Variants in SPATA6 observed in about 807,000 individuals in gnomAD.
SPATA6 encodes spermatogenesis associated 6, also known as spermatogenesis-associated protein 6.
SPATA6 carries 56 observed loss-of-function variants against 65.3 expected under a neutral mutation model. The observed-to-expected ratio is 0.86, with a 90% CI of 0.69 to 1.07. SPATA6 has a LOEUF of 1.07. Ranked by LOEUF, SPATA6 falls within the 50% of genes least tolerant of loss-of-function variation. The pLI is 0.00. For synonymous variants in SPATA6, 199 were observed against 213.2 expected, an observed-to-expected ratio of 0.93 and a Z score of 0.58; for missense variants, 590 against 594.8, an observed-to-expected ratio of 0.99 and a Z score of 0.08.
At chr1:48,453,986 A>C (rs911163487) in intron 1 of SPATA6, among the ~76,000 whole-genome samples, 10 of 151,972 alleles carry the variant, frequency 6.6e-5, no homozygotes, top group African/African-American at 2.4e-4. Context: ...AGAAACAGTC[A>C]TAAGTAAAAT....
rs1172634909 is a variant in SPATA6 at position 48,355,860 on chromosome 1, A to G, written c.1095-91T>C. The G allele has an allele frequency of 4.2e-6, 4 of 949,250 alleles. No individual in the cohort carries two copies. The South Asian group carries it at 4.7e-5, about 11-fold the overall frequency. The allele number at this position is 949,250 out of a possible 1,614,324, so 58.8% of individuals were successfully genotyped here. On this transcript the variant is annotated intron_variant, in intron 10 of 12. Coordinates refer to ENST00000371847, the MANE Select transcript of SPATA6 (RefSeq NM_019073.4). Reference sequence around the variant, plus strand: ...CAAGTTTTCACAGTATGTTCAACAAATAGTCTTAATAAAGGTTGGCATACA... The same window carrying G: ...CAAGTTTTCACAGTATGTTCAACAAGTAGTCTTAATAAAGGTTGGCATACA...
the SPATA6 span, among the ~76,000 whole-genome samples, chr1:48,267,093 T>G: frequency 6.6e-6 from 1 of 152,026 alleles, no homozygotes; most frequent in African/African-American, 2.4e-5. Flanking sequence ...TAAATATTAT[T>G]TATAGAGCCC....
chr1:48,432,638 T>C (rs899948601), intron 3 of SPATA6, among the ~76,000 whole-genome samples: 1 of 152,170 alleles, frequency 6.6e-6, no homozygotes, highest in African/African-American at 2.4e-5. Context: ...CAACAAGTGT[T>C]GGTGAGGATG....
intron 1 of SPATA6, among the ~76,000 whole-genome samples, chr1:48,464,044 TTAGAA>T (rs1324851989): frequency 6.6e-6 from 1 of 151,912 alleles, no homozygotes; most frequent in Non-Finnish European, 1.5e-5. Flanking sequence ...TTTTTTAAAA[TTAGAA>T]TAGAAGGGAA....
intron 11 of SPATA6, among the ~76,000 whole-genome samples, chr1:48,330,127 G>A (rs980603120): frequency 6.6e-6 from 1 of 151,846 alleles, no homozygotes; most frequent in Non-Finnish European, 1.5e-5. Flanking sequence ...CCCAGCAGCC[G>A]TACTTTGGTT....
intron 11 of SPATA6, among the ~76,000 whole-genome samples, chr1:48,321,236 A>AAACAAC (rs924607639): frequency 1.3e-5 from 2 of 152,082 alleles, no homozygotes; most frequent in Admixed American, 6.6e-5. Flanking sequence ...AATAAATTAA[A>AAACAAC]AACAACAACA....
chr1:48,302,323 T>C (rs1418616964), intron 12 of SPATA6, among the ~76,000 whole-genome samples: 1 of 152,194 alleles, frequency 6.6e-6, no homozygotes, highest in Non-Finnish European at 1.5e-5. Flanking sequence ...GGTTCAATAG[T>C]GAACACTAAC....
At chr1:48,393,948 T>C (rs1650317666) in intron 8 of SPATA6, among the ~76,000 whole-genome samples, 2 of 152,176 alleles carry the variant, frequency 1.3e-5, no homozygotes, top group East Asian at 1.9e-4. Flanking sequence ...CAAACCACCA[T>C]ATTAGGGGCT....
At chr1:48,434,382 T>C (rs548144667) in intron 3 of SPATA6, among the ~76,000 whole-genome samples, 10 of 152,232 alleles carry the variant, frequency 6.6e-5, no homozygotes, top group African/African-American at 2.4e-4. Context: ...GAACCATTCA[T>C]TCCATTTGCC....
At chr1:48,316,151 G>C (rs1423361186) in intron 11 of SPATA6, among the ~76,000 whole-genome samples, 1 of 152,022 alleles carries the variant, frequency 6.6e-6, no homozygotes, top group Non-Finnish European at 1.5e-5. Context: ...CAAGCTACCA[G>C]TGACTTTCTT....
At position 48,423,352 on chromosome 1, in the gene SPATA6, A is replaced by T. The variant is rs377119904; in HGVS notation, c.239-10201T>A. Among the ~76,000 whole-genome samples the T allele has an allele frequency of 1.2e-4, 18 of 151,778 alleles. No homozygotes were observed. The East Asian group carries it at 1.4e-3, about 12-fold the overall frequency. On this transcript the variant is annotated intron_variant, in intron 3 of 12. Coordinates refer to ENST00000371847, the MANE Select transcript of SPATA6 (RefSeq NM_019073.4). ...ATGCTGGTAATCCCAGCTACTCGGG[A>T]AGCTGAGGCAGGAGAACTGCTGGAA...
Position 48,398,769 on chromosome 1 carries a change from A to G in SPATA6, c.780+582T>C, listed in dbSNP as rs1272847568. Among the ~76,000 whole-genome samples the G allele has an allele frequency of 6.6e-5, 10 of 151,810 alleles. No individual in the cohort carries two copies. The East Asian group carries it at 1.9e-3, about 29-fold the overall frequency. On this transcript the variant is annotated intron_variant, in intron 7 of 12. Coordinates refer to ENST00000371847, the MANE Select transcript of SPATA6 (RefSeq NM_019073.4). The stretch of plus-strand genomic sequence containing the variant: ...TACTTGATAATCATATAAACACAAG[A>G]CTCTAAATTTCAACTATATCAAAAG...
chr1:48,381,692 T>TTC (rs1648631920), intron 9 of SPATA6, among the ~76,000 whole-genome samples: 1 of 148,378 alleles, frequency 6.7e-6, no homozygotes, highest in South Asian at 2.1e-4. Flanking sequence ...TTTTTCTTTT[T>TTC]TTTTTTAATT....
At chr1:48,396,380 G>A (rs1007157552) in intron 7 of SPATA6, among the ~76,000 whole-genome samples, 6 of 151,554 alleles carry the variant, frequency 4.0e-5, no homozygotes, top group Non-Finnish European at 8.9e-5. Flanking sequence ...TTTCATCTAG[G>A]TATATACCCA....
chr1:48,277,919 G>T, the SPATA6 span, among the ~76,000 whole-genome samples: 1 of 152,218 alleles, frequency 6.6e-6, no homozygotes, highest in Non-Finnish European at 1.5e-5. Flanking sequence ...CAGCCTAACT[G>T]GGAGGCACCC....
chr1:48,467,133 T>C (rs1443353495), intron 1 of SPATA6, among the ~76,000 whole-genome samples: 1 of 152,078 alleles, frequency 6.6e-6, no homozygotes, highest in Non-Finnish European at 1.5e-5. Context: ...AAAGACTCAT[T>C]GAGAAAAGTC....
chr1:48,272,657 C>T, the SPATA6 span, among the ~76,000 whole-genome samples: 3 of 151,994 alleles, frequency 2.0e-5, no homozygotes, highest in Non-Finnish European at 4.4e-5. Flanking sequence ...AATATAGATA[C>T]CTCTTTGCAA....
chr1:48,387,638 C>A (rs1649616090), intron 8 of SPATA6, among the ~76,000 whole-genome samples: 1 of 152,176 alleles, frequency 6.6e-6, no homozygotes, highest in Non-Finnish European at 1.5e-5. Flanking sequence ...GAGCCTGAGG[C>A]AAGCAAGACA....
chr1:48,355,495 G>C, intron 11 of SPATA6, 175 bp downstream of exon 11: 1 of 507,504 alleles, frequency 2.0e-6, no homozygotes, highest in Non-Finnish European at 3.6e-6. Flanking sequence ...AATGACTTAG[G>C]TCAAGCAGGC....
Sources: allele counts gnomAD v4.1 joint callset (sites outside exome capture counted in the v4.1 genomes callset), GRCh38; gene constraint gnomAD v4.1.1; transcripts MANE v1.5; gene names NCBI Gene and HGNC (gene_info 2026-07-23, HGNC 2026-07-21).